Variants in ASIC1 observed in about 807,000 individuals in gnomAD.
ASIC1 encodes acid-sensing ion channel 1.
ASIC1 carries 21 observed loss-of-function variants against 63.4 expected under a neutral mutation model. That is an observed-to-expected ratio of 0.33 (90% CI 0.23 to 0.48). The LOEUF (loss-of-function observed/expected upper bound fraction) is 0.48, where lower values mean the gene tolerates loss of function less well. ASIC1 is among the 20% of genes least tolerant of loss of function. ASIC1 has a pLI of 0.99. For synonymous variants in ASIC1, 258 were observed against 278.2 expected (o/e 0.93, Z 0.72); for missense variants, 478 against 695.5 (o/e 0.69, Z 3.52).
intron 11 of ASIC1, 40 bp downstream of exon 11, chr12:50,081,404 C>G (rs1342230549): frequency 3.9e-6 from 6 of 1,547,116 alleles, no homozygotes; most frequent in Non-Finnish European, 5.2e-6. Context: ...CCCGCCTGTG[C>G]CTCCACCGCC....
intron 3 of ASIC1, among the ~76,000 whole-genome samples, chr12:50,062,111 C>G (rs1950506157): frequency 6.6e-6 from 1 of 152,216 alleles, no homozygotes; most frequent in Admixed American, 6.5e-5. Context: ...GCCAGCCCCT[C>G]TCCATGTCAA....
Sources: allele counts gnomAD v4.1 joint callset (sites outside exome capture counted in the v4.1 genomes callset), GRCh38; gene constraint gnomAD v4.1.1; transcripts MANE v1.5; gene names NCBI Gene and HGNC (gene_info 2026-07-23, HGNC 2026-07-21).